The following LHFPL3 variants were observed in gnomAD, a reference collection of about 807,000 sequenced individuals.
The protein encoded by LHFPL3 is LHFPL tetraspan subfamily member 3.
In LHFPL3, 5 loss-of-function variants were observed where a neutral mutation model predicts 19.3. That is an observed-to-expected ratio of 0.26 (90% CI 0.14 to 0.54). LHFPL3 has a LOEUF of 0.54. LHFPL3 is among the 20% of genes least tolerant of loss of function. The probability of loss-of-function intolerance (pLI) is 0.94; values close to 1 mark genes in which losing one functional copy is unlikely to be tolerated. For synonymous variants in LHFPL3, 133 were observed against 126.2 expected (o/e 1.05, Z -0.36); for missense variants, 249 against 307.4 (o/e 0.81, Z 1.42).
intron 1 of LHFPL3, among the ~76,000 whole-genome samples, chr7:104,529,202 G>T (rs1794246015): frequency 6.6e-6 from 1 of 152,158 alleles, no homozygotes; most frequent in South Asian, 2.1e-4. Flanking sequence ...GTGATGCTCT[G>T]ATTGGCCAGA....
At chr7:104,363,248 A>G (rs757048121) in intron 1 of LHFPL3, among the ~76,000 whole-genome samples, 2 of 152,244 alleles carry the variant, frequency 1.3e-5, no homozygotes, top group Non-Finnish European at 2.9e-5. Flanking sequence ...TAAAGGCAAG[A>G]TACAGTCAGT....
intron 1 of LHFPL3, among the ~76,000 whole-genome samples, chr7:104,422,418 C>T (rs34031651): frequency 0.1 from 15,150 of 152,092 alleles, 831 homozygotes; most frequent in African/African-American, 0.14. Flanking sequence ...CCCATCCAGT[C>T]TATGGGGCTT....
chr7:104,420,613 G>A (rs1200061355), intron 1 of LHFPL3, among the ~76,000 whole-genome samples: 4 of 139,932 alleles, frequency 2.9e-5, no homozygotes, highest in South Asian at 2.3e-4. Flanking sequence ...AGGCTGGAGT[G>A]CAGTGGCGCG....
In LHFPL3 at chr7:104,475,492, C is replaced by T. The variant is rs148423340; in HGVS notation, c.445+146268C>T. The stretch of plus-strand genomic sequence containing the variant: ...GTTGTTCAATGGATATAGAGTTTCA[C>T]ACTTATAAGATGAAAAAGTTGGGTC... On this transcript the variant is annotated intron_variant, in intron 1 of 2. Transcript: ENST00000424859. Among the ~76,000 whole-genome samples the T allele has an allele frequency of 4.1e-3, 630 of 152,186 alleles. 4 individuals are homozygous for T. The highest frequency in any genetic ancestry group is 0.014 in the African/African-American group (592 of 41,530).
rs565110189 is a variant in LHFPL3 at position 104,355,467 on chromosome 7, A to C, written c.445+26243A>C. Among the ~76,000 whole-genome samples the C allele has an allele frequency of 2.1e-3, 323 of 152,330 alleles. 4 individuals carry two copies. The highest frequency in any genetic ancestry group is 7.7e-3 in the African/African-American group (321 of 41,560). On this transcript the variant is annotated intron_variant, in intron 1 of 2. Transcript: ENST00000424859. ...GACCCAGACACTCTGCTACAGCCAG[A>C]GTAACTTGAAACTAAATTTTCATTT...
chr7:104,440,413 G>T (rs1173083150), intron 1 of LHFPL3, among the ~76,000 whole-genome samples: 1 of 150,664 alleles, frequency 6.6e-6, no homozygotes, highest in Non-Finnish European at 1.5e-5. Context: ...GGGGCCTGTC[G>T]TGGGGTGGGG....
At chr7:104,494,531 C>T (rs911997863) in intron 1 of LHFPL3, among the ~76,000 whole-genome samples, 1 of 152,112 alleles carries the variant, frequency 6.6e-6, no homozygotes, top group African/African-American at 2.4e-5. Context: ...AAATCTTCCA[C>T]GCTTCACCCA....
At position 104,885,125 on chromosome 7, in the gene LHFPL3, A is replaced by G. The variant is rs183648296; in HGVS notation, c.683-21062A>G. 2.3e-3 allele frequency among the ~76,000 whole-genome samples: 354 copies of G among 152,320 alleles called. 1 individual carries two copies. The highest frequency in any genetic ancestry group is 4.2e-3 in the Non-Finnish European group (287 of 68,028). ...CTGATCTTTCCACTCTACCCCAGAG[A>G]TCACAACTGAGACTTCGATTTTATT... is the stretch of plus-strand genomic sequence containing the variant. On this transcript the variant is annotated intron_variant, in intron 2 of 2. Transcript: ENST00000424859.
At chr7:104,476,237 A>G (rs1405845656) in intron 1 of LHFPL3, among the ~76,000 whole-genome samples, 2 of 152,218 alleles carry the variant, frequency 1.3e-5, no homozygotes, top group African/African-American at 2.4e-5. Flanking sequence ...GATACCACAC[A>G]AAAGATGTAA....
intron 2 of LHFPL3, among the ~76,000 whole-genome samples, chr7:104,786,265 C>G (rs531242362): frequency 6.6e-6 from 1 of 152,266 alleles, no homozygotes; most frequent in African/African-American, 2.4e-5. Flanking sequence ...GATGAAAAAG[C>G]AGAGAGTGGA....
At chr7:104,523,634 C>T (rs973306953) in intron 1 of LHFPL3, among the ~76,000 whole-genome samples, 3 of 152,106 alleles carry the variant, frequency 2.0e-5, no homozygotes, top group African/African-American at 7.2e-5. Flanking sequence ...CATATAGTCA[C>T]TTAGATATAG....
intron 1 of LHFPL3, among the ~76,000 whole-genome samples, chr7:104,466,714 C>G (rs1191617416): frequency 1.3e-5 from 2 of 152,160 alleles, no homozygotes; most frequent in Non-Finnish European, 2.9e-5. Context: ...AGTGTTTGAC[C>G]TAGTTATAAT....
At chr7:104,528,919 T>C (rs1794240754) in intron 1 of LHFPL3, among the ~76,000 whole-genome samples, 1 of 152,158 alleles carries the variant, frequency 6.6e-6, no homozygotes, top group African/African-American at 2.4e-5. Flanking sequence ...GGAAATTCTT[T>C]AGGTCATATA....
intron 1 of LHFPL3, among the ~76,000 whole-genome samples, chr7:104,454,577 T>C (rs1792504636): frequency 1.3e-5 from 2 of 152,178 alleles, no homozygotes; most frequent in African/African-American, 4.8e-5. Flanking sequence ...TTACTGTTTA[T>C]CAGTAGCTGT....
chr7:104,786,618 G>A (rs562059427), intron 2 of LHFPL3: 1 of 151,802 alleles, frequency 6.6e-6, no homozygotes. Flanking sequence ...GAAATAATAG[G>A]TGCCATTCTA....
chr7:104,453,432 C>A (rs60610822), intron 1 of LHFPL3, among the ~76,000 whole-genome samples: 3,811 of 151,976 alleles, frequency 0.025, 152 homozygotes, highest in African/African-American at 0.087. Context: ...GAGATAGGGA[C>A]CCTATCTTTC....
rs148611368 is a variant in LHFPL3, at chr7:104,645,597, C to G, written c.446-91078C>G. On this transcript the variant is annotated intron_variant, in intron 1 of 2. Transcript: ENST00000424859. ...AGCAAAATGTACCAAAGGTGCATGT[C>G]TAAATCTTCATGGAAAGTGAGGCAA... 5.9e-3 allele frequency among the ~76,000 whole-genome samples: 860 copies of G among 145,950 alleles called. 7 individuals carry two copies. The highest frequency in any genetic ancestry group is 0.017 in the South Asian group (75 of 4,538).
At chr7:104,606,707 G>A (rs894082597) in intron 1 of LHFPL3, among the ~76,000 whole-genome samples, 8 of 152,162 alleles carry the variant, frequency 5.3e-5, no homozygotes, top group African/African-American at 1.9e-4. Context: ...TGTGAGATCG[G>A]TCCATGTTGG....
chr7:104,357,030 T>G (rs1381064544), intron 1 of LHFPL3, among the ~76,000 whole-genome samples: 2 of 54,116 alleles, frequency 3.7e-5, no homozygotes, highest in Non-Finnish European at 7.3e-5. Context: ...GGTCCCCAAA[T>G]TACTCAAACT....
Sources: gnomAD v4.1 joint callset for allele counts (sites outside exome capture counted in the v4.1 genomes callset) on GRCh38, gnomAD v4.1.1 for gene constraint, MANE v1.5 for transcripts, NCBI Gene and HGNC (gene_info 2026-07-23, HGNC 2026-07-21) for gene names.